The following PTPN11 variants were observed in gnomAD, a reference collection of about 807,000 sequenced individuals.
PTPN11 encodes tyrosine-protein phosphatase non-receptor type 11.
In PTPN11, 6 loss-of-function variants were observed where a neutral mutation model predicts 78.8. The ratio of observed to expected loss-of-function variants is 0.08; its 90% confidence interval spans 0.04 to 0.15. The LOEUF (loss-of-function observed/expected upper bound fraction) is 0.15, where lower values mean the gene tolerates loss of function less well. Among genes scored for constraint, PTPN11 ranks in the 10% least tolerant of loss-of-function variants. The pLI, the probability that PTPN11 is intolerant of heterozygous loss-of-function variation, is 1.00. For synonymous variants in PTPN11, 221 were observed against 263.5 expected, an observed-to-expected ratio of 0.84 and a Z score of 1.56; for missense variants, 386 against 744.8, an observed-to-expected ratio of 0.52 and a Z score of 5.61.
rs752313152 is a variant in PTPN11, at chr12:112,482,044, T to C, written c.1093-30T>C. Reference sequence around the variant, plus strand: ...GGCTTTTATTTCAGAGTTCACAGAATTAACTTTCTTTTTTTCTGATCTCTT... The same window carrying C: ...GGCTTTTATTTCAGAGTTCACAGAACTAACTTTCTTTTTTTCTGATCTCTT... On this transcript the variant is annotated intron_variant, in intron 9 of 15. Coordinates refer to ENST00000351677, the MANE Select transcript of PTPN11 (RefSeq NM_002834.5). The surrounding 1 kb of genome is among the most constrained non-coding windows in gnomAD (Gnocchi z 4.4). 1.3e-6 allele frequency: 2 copies of C among 1,536,546 alleles called. No individual in the cohort carries two copies. Among genetic ancestry groups the C allele is most frequent in the Non-Finnish European group, 1.8e-6 (2 of 1,110,404 alleles).
chr12:112,472,808 A>G, intron 6 of PTPN11, 136 bp from the exon 7 acceptor site: 2 of 814,322 alleles, frequency 2.5e-6, no homozygotes, highest in East Asian at 4.9e-5. Context: ...ACCCAGATGA[A>G]CATTCTTGTA....
At chr12:112,498,633 T>C (rs1566190920) in intron 13 of PTPN11, among the ~76,000 whole-genome samples, 2 of 152,218 alleles carry the variant, frequency 1.3e-5, no homozygotes, top group Admixed American at 6.5e-5. Flanking sequence ...AAATTTGTTA[T>C]AAACATTGCA....
rs984000567 is a variant in PTPN11 at position 112,447,781 on chromosome 12, T to G, written c.137+1383T>G. Among the ~76,000 whole-genome samples, 70 of 151,268 alleles carry G rather than the reference T, an allele frequency of 4.6e-4. 1 individual carries two copies. Among genetic ancestry groups the G allele is most frequent in the Non-Finnish European group, 1.3e-4 (9 of 67,886 alleles). ...TCCCAAAGTGCTGGAATTACAGGCA[T>G]GAGCTACCATGCCTGGCCTTTTTTT... On this transcript the variant is annotated intron_variant, in intron 2 of 15. Coordinates refer to ENST00000351677, the MANE Select transcript of PTPN11 (RefSeq NM_002834.5).
chr12:112,419,300 C>T (rs1263952161), intron 1 of PTPN11, among the ~76,000 whole-genome samples, 175 bp downstream of exon 1: 1 of 152,008 alleles, frequency 6.6e-6, no homozygotes, highest in Non-Finnish European at 1.5e-5. Flanking sequence ...CCGGCCCCAC[C>T]GCGCCCCCAC....
Position 112,446,278 on chromosome 12 carries a change from G to T in PTPN11, c.17G>T (p.Trp6Leu). 6.2e-7 allele frequency: 1 copy of T among 1,613,914 alleles called. No individual in the cohort carries two copies. The highest frequency in any genetic ancestry group is 8.5e-7 in the Non-Finnish European group (1 of 1,179,880). The change falls in exon 2 of 16, where the codon TGG becomes TTG. Residue 6 changes from tryptophan to leucine, a missense_variant and splice_region_variant. This residue lies in a region of PTPN11 where 279 missense variants were observed against 503.3 expected (regional missense o/e 0.55). Transcript: ENST00000351677. MTSRR[W>L]FHPNITGVEA... is the part of the protein sequence containing the mutation. ...CTTACTTTGTCTTTCTTTTTAAGAT[G>T]GTTTCACCCAAATATCACTGGTGTG...
chr12:112,446,427 G>T (rs2037995775), intron 2 of PTPN11, 29 bp downstream of exon 2: 1 of 1,613,844 alleles, frequency 6.2e-7, no homozygotes, highest in Non-Finnish European at 8.5e-7. Context: ...AGAGGATCCT[G>T]AGAGTGTTTT....
intron 13 of PTPN11, among the ~76,000 whole-genome samples, chr12:112,492,693 A>G (rs1403454537): frequency 2.4e-4 from 36 of 151,750 alleles, no homozygotes; most frequent in Admixed American, 2.4e-3. Flanking sequence ...AATTTTTTGT[A>G]TTTTTAGTAG....
At position 112,503,785 on chromosome 12, in the gene PTPN11, A is replaced by G. The variant is rs1373843789; in HGVS notation, c.1713-910A>G. 6.6e-5 allele frequency among the ~76,000 whole-genome samples: 10 copies of G among 152,254 alleles called. No homozygotes were observed. In the South Asian group the frequency reaches 2.1e-3, roughly 32 times the overall value. The stretch of plus-strand genomic sequence containing the variant: ...TCCCGTCGTCTCCCTTGTAGGGTTC[A>G]GATCCAGGATACACTGGTCCTGGAG... On this transcript the variant is annotated intron_variant, in intron 14 of 15. Coordinates refer to ENST00000351677, the MANE Select transcript of PTPN11 (RefSeq NM_002834.5).
chr12:112,485,302 A>G (rs955991958), intron 10 of PTPN11, among the ~76,000 whole-genome samples: 5 of 152,214 alleles, frequency 3.3e-5, no homozygotes, highest in African/African-American at 1.2e-4. Flanking sequence ...TATAGGAAGA[A>G]GATGTAGGAA....
chr12:112,434,662 G>A (rs1638384903), intron 1 of PTPN11, among the ~76,000 whole-genome samples: 1 of 152,070 alleles, frequency 6.6e-6, no homozygotes, highest in Non-Finnish European at 1.5e-5. Flanking sequence ...AAAAATCAGG[G>A]TGTAAAACAA....
intron 1 of PTPN11, among the ~76,000 whole-genome samples, chr12:112,423,439 C>T (rs2037556066): frequency 6.6e-6 from 1 of 151,950 alleles, no homozygotes; most frequent in Non-Finnish European, 1.5e-5. Context: ...GTGCGTGCCA[C>T]CATGTCTGGC....
intron 13 of PTPN11, among the ~76,000 whole-genome samples, chr12:112,493,288 A>T (rs1327942414): frequency 6.6e-6 from 1 of 151,870 alleles, no homozygotes; most frequent in African/African-American, 2.4e-5. Flanking sequence ...CGAACTCCTG[A>T]CCTCAAATGA....
intron 1 of PTPN11, among the ~76,000 whole-genome samples, chr12:112,441,068 G>T (rs1021765293): frequency 6.7e-6 from 1 of 150,062 alleles, no homozygotes; most frequent in Non-Finnish European, 1.5e-5. Flanking sequence ...GGGTTCAAGC[G>T]ATTCTTCTGC....
At chr12:112,449,498 C>G (rs1566166454) in intron 2 of PTPN11, among the ~76,000 whole-genome samples, 1 of 140,052 alleles carries the variant, frequency 7.1e-6, no homozygotes, top group Admixed American at 6.9e-5. Flanking sequence ...TGGAGTGAGA[C>G]TCTGTCTCAA....
intron 6 of PTPN11, among the ~76,000 whole-genome samples, chr12:112,463,793 G>GGTT (rs1385637799): frequency 1.3e-5 from 2 of 152,174 alleles, no homozygotes; most frequent in African/African-American, 4.8e-5. Flanking sequence ...GGGCATTAAC[G>GGTT]TTTCATGGAA....
At chr12:112,428,204 C>A (rs1281570600) in intron 1 of PTPN11, among the ~76,000 whole-genome samples, 1 of 152,124 alleles carries the variant, frequency 6.6e-6, no homozygotes, top group East Asian at 1.9e-4. Flanking sequence ...TAACTGTAAT[C>A]ATTCTGTATT....
At chr12:112,441,581 T>C (rs2037890833) in intron 1 of PTPN11, among the ~76,000 whole-genome samples, 1 of 151,954 alleles carries the variant, frequency 6.6e-6, no homozygotes, top group Non-Finnish European at 1.5e-5. Context: ...TGTTGTAAGA[T>C]ACTTGAATTG....
chr12:112,452,816 A>G (rs2038096955), intron 3 of PTPN11, among the ~76,000 whole-genome samples: 1 of 152,228 alleles, frequency 6.6e-6, no homozygotes, highest in Non-Finnish European at 1.5e-5. Context: ...GGCATAAGCC[A>G]CTATGCATGG....
At chr12:112,442,797 T>C (rs1366948108) in intron 1 of PTPN11, among the ~76,000 whole-genome samples, 1 of 135,224 alleles carries the variant, frequency 7.4e-6, no homozygotes, top group African/African-American at 2.7e-5. Flanking sequence ...ACCTGTACCA[T>C]GTTTACTCTC....
Sources: allele counts gnomAD v4.1 joint callset (sites outside exome capture counted in the v4.1 genomes callset), GRCh38; gene constraint gnomAD v4.1.1; regional missense constraint gnomAD v4.1.1; non-coding constraint Gnocchi (gnomAD v3.1); transcripts MANE v1.5; gene names NCBI Gene and HGNC (gene_info 2026-07-23, HGNC 2026-07-21).